The following ZDHHC15 variants were observed in gnomAD, a reference collection of about 807,000 sequenced individuals.
ZDHHC15 encodes zDHHC palmitoyltransferase 15.
Under a neutral mutation model 31.7 loss-of-function variants are expected in ZDHHC15, and 19 were observed. The ratio of observed to expected loss-of-function variants is 0.60; its 90% CI spans 0.42 to 0.88. ZDHHC15 has a LOEUF of 0.88. ZDHHC15 is among the 40% of genes least tolerant of loss of function. ZDHHC15 has a pLI of 0.00. For synonymous variants in ZDHHC15, 103 were observed against 90.0 expected (o/e 1.14, Z -0.82); for missense variants, 209 against 251.2 (o/e 0.83, Z 1.14).
intron 4 of ZDHHC15, among the ~76,000 whole-genome samples, chrX:75,431,723 T>C (rs1056304315): frequency 9.0e-6 from 1 of 111,067 alleles, no homozygotes; most frequent in Non-Finnish European, 1.9e-5. Context: ...AAAGCACTTT[T>C]GGGGGCTGAA....
At chrX:75,522,287 G>A (rs1288806359) in intron 1 of ZDHHC15, among the ~76,000 whole-genome samples, 2 of 111,946 alleles carry the variant, frequency 1.8e-5, no homozygotes, top group African/African-American at 3.2e-5. Flanking sequence ...GTGCACTGTG[G>A]GATCACAAGT....
In ZDHHC15 at chrX:75,474,752, T is replaced by C. The variant is rs760185387; in HGVS notation, c.258+4139A>G. ...TTGAAACTAAAATAAAAATTGAAAT[T>C]ATTTTTTAAAAATAAAATGAGTTGG... On this transcript the variant is annotated intron_variant, in intron 3 of 11. Transcript: ENST00000373367. Among the ~76,000 whole-genome samples, 287 of 110,212 alleles carry C rather than the reference T, an allele frequency of 2.6e-3. 1 individual carries two copies. The highest frequency in any genetic ancestry group is 8.8e-3 in the African/African-American group (267 of 30,393).
intron 3 of ZDHHC15, among the ~76,000 whole-genome samples, chrX:75,459,016 C>A (rs1327121323): frequency 6.0e-5 from 6 of 100,256 alleles, no homozygotes; most frequent in Admixed American, 1.1e-4. Context: ...AAAAAACAAC[C>A]CCCAGCCAAG....
chrX:75,510,559 T>TTTA (rs750097141), intron 1 of ZDHHC15, among the ~76,000 whole-genome samples: 51 of 104,460 alleles, frequency 4.9e-4, no homozygotes, highest in East Asian at 1.2e-3. Context: ...CTTTTGTCTT[T>TTTA]TTATTATTAT....
chrX:75,448,351 G>T (rs762306850), intron 4 of ZDHHC15, among the ~76,000 whole-genome samples: 6 of 112,153 alleles, frequency 5.3e-5, no homozygotes, highest in African/African-American at 1.6e-4. Flanking sequence ...GGAGAAAGTA[G>T]CTATAAATAC....
At chrX:75,491,049 A>C (rs753885990) in intron 2 of ZDHHC15, among the ~76,000 whole-genome samples, 1 of 111,858 alleles carries the variant, frequency 8.9e-6, no homozygotes, top group African/African-American at 3.3e-5. Context: ...TAGTTCAACC[A>C]TTGTGGAAGC....
At chrX:75,406,323 G>A (rs1233033703) in intron 10 of ZDHHC15, among the ~76,000 whole-genome samples, 1 of 110,847 alleles carries the variant, frequency 9.0e-6, no homozygotes, top group East Asian at 2.8e-4. Context: ...CACCAAATTA[G>A]TAGAAGGAAA....
At chrX:75,394,634 T>C (rs781717028) in intron 10 of ZDHHC15, among the ~76,000 whole-genome samples, 5 of 111,932 alleles carry the variant, frequency 4.5e-5, no homozygotes, top group Non-Finnish European at 7.5e-5. Flanking sequence ...AGGAAGGTGA[T>C]TATATAATGA....
chrX:75,412,569 T>C (rs2083497543), intron 10 of ZDHHC15, among the ~76,000 whole-genome samples: 1 of 110,522 alleles, frequency 9.0e-6, no homozygotes. Context: ...GTAGCTGGGA[T>C]TACAGGCACG....
chrX:75,401,344 TAAC>T (rs974012577), intron 10 of ZDHHC15, among the ~76,000 whole-genome samples: 1 of 109,976 alleles, frequency 9.1e-6, no homozygotes, highest in African/African-American at 3.3e-5. Context: ...TAAACCAACA[TAAC>T]AACCAGCTAA....
At chrX:75,407,383 C>T (rs1478613460) in intron 10 of ZDHHC15, among the ~76,000 whole-genome samples, 1 of 110,863 alleles carries the variant, frequency 9.0e-6, no homozygotes, top group Non-Finnish European at 1.9e-5. Context: ...GCAGCCGCCC[C>T]GTCCAGGAGG....
At chrX:75,522,716 G>T (rs1448617670) in intron 1 of ZDHHC15, among the ~76,000 whole-genome samples, 173 bp downstream of exon 1, 1 of 110,319 alleles carries the variant, frequency 9.1e-6, no homozygotes, top group African/African-American at 3.3e-5. Flanking sequence ...CCTGGTGGGA[G>T]GGCGCAGGAA....
At chrX:75,495,087 GA>G (rs762534983) in intron 2 of ZDHHC15, among the ~76,000 whole-genome samples, 1 of 110,191 alleles carries the variant, frequency 9.1e-6, no homozygotes, top group Non-Finnish European at 1.9e-5. Context: ...AAATTTTCAA[GA>G]AAAAAAACAA....
In ZDHHC15 at chrX:75,523,006, T is replaced by A. The variant is rs760077227; in HGVS notation, c.19A>T (p.Met7Leu). The A allele has an allele frequency of 8.3e-7, 1 of 1,202,769 alleles. No individual in the cohort carries two copies. The highest frequency in any genetic ancestry group is 1.8e-5 in the South Asian group (1 of 56,381). MRRGWK[M>L]ALSGGLRCCR... ...CACCGCAGCCCCCCAGACAGAGCCA[T>A]CTTCCAGCCTCGCCGCATCTTTGGC... Residue 7 changes from methionine (M) to leucine (L), a missense_variant, in exon 1 of 12, where the codon ATG becomes TTG. Met to Leu is a conservative substitution (Grantham distance 15). Transcript: ENST00000373367.
At chrX:75,403,326 A>C (rs1479459586) in intron 10 of ZDHHC15, among the ~76,000 whole-genome samples, 2 of 112,029 alleles carry the variant, frequency 1.8e-5, no homozygotes, top group Non-Finnish European at 3.8e-5. Context: ...GCACAAGACA[A>C]GGTTGTCCTC....
At chrX:75,484,542 C>A (rs372232430) in intron 2 of ZDHHC15, among the ~76,000 whole-genome samples, 14 of 111,814 alleles carry the variant, frequency 1.3e-4, no homozygotes, top group South Asian at 7.4e-4. Context: ...ATCACCACCA[C>A]CAACAAAAAC....
At chrX:75,413,424 G>A (rs943494291) in intron 10 of ZDHHC15, among the ~76,000 whole-genome samples, 1 of 111,627 alleles carries the variant, frequency 9.0e-6, no homozygotes, top group Non-Finnish European at 1.9e-5. Context: ...AAATGGCAGA[G>A]CCTTTGTTAC....
intron 8 of ZDHHC15, 25 bp downstream of exon 8, chrX:75,424,627 T>C (rs952589824): frequency 8.5e-7 from 1 of 1,175,952 alleles, no homozygotes; most frequent in Non-Finnish European, 1.1e-6. Context: ...ATATGTTTTT[T>C]CCTAATCTTA....
rs144885957 is a variant in ZDHHC15, at chrX:75,465,846, C to A, written c.258+13045G>T. Among the ~76,000 whole-genome samples, 482 of 111,438 alleles carry A rather than the reference C, an allele frequency of 4.3e-3. 2 individuals carry two copies. Among genetic ancestry groups the A allele is most frequent in the African/African-American group, 0.015 (464 of 30,732 alleles). On this transcript the variant is annotated intron_variant, in intron 3 of 11. Coordinates refer to ENST00000373367, the MANE Select transcript of ZDHHC15 (RefSeq NM_144969.3). ...TATAAAACCTGAAACTGTAAAAACC[C>A]TAGAAGAAAATCCAGGCAATACTAT...
Sources: allele counts gnomAD v4.1 joint callset (sites outside exome capture counted in the v4.1 genomes callset), GRCh38; gene constraint gnomAD v4.1.1; transcripts MANE v1.5; gene names NCBI Gene and HGNC (gene_info 2026-07-23, HGNC 2026-07-21).